PCCA: variants seen among roughly 807,000 people sequenced by gnomAD.
PCCA encodes the protein propionyl-CoA carboxylase subunit alpha.
PCCA carries 74 observed loss-of-function variants against 101.3 expected under a neutral mutation model. The observed-to-expected ratio is 0.73, with a 90% CI of 0.61 to 0.89. The LOEUF (loss-of-function observed/expected upper bound fraction) is 0.89, where lower values mean the gene tolerates loss of function less well. Among genes scored for constraint, PCCA ranks in the 40% least tolerant of loss-of-function variants. The pLI, the probability that PCCA is intolerant of heterozygous loss-of-function variation, is 0.00. For synonymous variants in PCCA, 294 were observed against 313.6 expected, an observed-to-expected ratio of 0.94 and a Z score of 0.66; for missense variants, 891 against 907.0, an observed-to-expected ratio of 0.98 and a Z score of 0.23.
chr13:100,166,793 AATGGCTAGATCATTTGT>A (rs1264702209), intron 6 of PCCA, among the ~76,000 whole-genome samples: 1 of 152,082 alleles, frequency 6.6e-6, no homozygotes, highest in African/African-American at 2.4e-5. Context: ...CTAGGAGTGG[AATGGCTAGATCATTTGT>A]ATGTTTTATC....
At chr13:100,462,382 A>G (rs1016590327) in intron 21 of PCCA, among the ~76,000 whole-genome samples, 7 of 152,188 alleles carry the variant, frequency 4.6e-5, no homozygotes, top group Non-Finnish European at 8.8e-5. Flanking sequence ...CTGCTATACT[A>G]TGTGCTAGGA....
At chr13:100,478,272 T>A (rs1159757583) in intron 21 of PCCA, among the ~76,000 whole-genome samples, 1 of 152,144 alleles carries the variant, frequency 6.6e-6, no homozygotes, top group Non-Finnish European at 1.5e-5. Context: ...CTGTCGCCAT[T>A]GTGGCCTGTG....
At chr13:100,205,384 T>C (rs1716823504) in intron 6 of PCCA, among the ~76,000 whole-genome samples, 1 of 152,204 alleles carries the variant, frequency 6.6e-6, no homozygotes, top group Non-Finnish European at 1.5e-5. Flanking sequence ...TTGCTTTAAT[T>C]ACTTTTAAAG....
chr13:100,127,573 T>C (rs1236503331), intron 4 of PCCA, among the ~76,000 whole-genome samples: 1 of 152,146 alleles, frequency 6.6e-6, no homozygotes, highest in Non-Finnish European at 1.5e-5. Flanking sequence ...AGAAGTCCTA[T>C]CTTACTGAAA....
At chr13:100,154,939 T>G in intron 4 of PCCA, 40 bp from the exon 5 acceptor site, 1 of 1,297,346 alleles carries the variant, frequency 7.7e-7, no homozygotes, top group Non-Finnish European at 1.1e-6. Flanking sequence ...TAATTCTTTT[T>G]GCTGGGCGCA....
chr13:100,455,203 A>G lies in PCCA; in HGVS notation c.1899+5898A>G, dbSNP rs536396327. Among the ~76,000 whole-genome samples the G allele has an allele frequency of 5.3e-4, 81 of 152,234 alleles. 1 individual carries two copies. The highest frequency in any genetic ancestry group is 4.1e-4 in the South Asian group (2 of 4,824). On this transcript the variant is annotated intron_variant, in intron 21 of 23. Transcript: ENST00000376285. ...ATAAAATGTTGGAAAGAGTGACCAGAATTGTAAGTGGTGTGACCAGGGAAG... is the reference window on the plus strand; with the variant it reads ...ATAAAATGTTGGAAAGAGTGACCAGGATTGTAAGTGGTGTGACCAGGGAAG...
Position 100,352,067 on chromosome 13 carries a change from G to A in PCCA, c.1643+11808G>A, listed in dbSNP as rs184513231. Among the ~76,000 whole-genome samples, 21 of 152,064 alleles carry A rather than the reference G, an allele frequency of 1.4e-4. No individual in the cohort carries two copies. In the South Asian group the frequency reaches 1.9e-3, roughly 14 times the overall value. Reference sequence around the variant, plus strand: ...GAATTAAAATAAGACAATAGAAAACGTTGATTTAAAACAAGACAATAATAA... The same window carrying A: ...GAATTAAAATAAGACAATAGAAAACATTGATTTAAAACAAGACAATAATAA... On this transcript the variant is annotated intron_variant, in intron 18 of 23. Transcript: ENST00000376285.
intron 12 of PCCA, among the ~76,000 whole-genome samples, chr13:100,294,492 C>T (rs2065372110): frequency 6.6e-6 from 1 of 151,624 alleles, no homozygotes; most frequent in Non-Finnish European, 1.5e-5. Context: ...AAATTTTAAA[C>T]AACTTACTAG....
intron 19 of PCCA, among the ~76,000 whole-genome samples, chr13:100,378,645 G>A (rs2076057289): frequency 6.6e-6 from 1 of 151,864 alleles, no homozygotes; most frequent in African/African-American, 2.4e-5. Flanking sequence ...AAATTTTTTT[G>A]TGTGACTGCA....
chr13:100,092,759 T>C (rs1396372900), intron 1 of PCCA, among the ~76,000 whole-genome samples: 1 of 152,206 alleles, frequency 6.6e-6, no homozygotes, highest in Non-Finnish European at 1.5e-5. Flanking sequence ...TTATTTTCTT[T>C]TGTAATCAGT....
At chr13:100,378,897 AT>A (rs771851028) in intron 19 of PCCA, among the ~76,000 whole-genome samples, 61 of 151,896 alleles carry the variant, frequency 4.0e-4, no homozygotes, top group Non-Finnish European at 7.9e-4. Context: ...TAGTATCAAA[AT>A]TTTTAGTTAT....
rs1415140340 is a variant in PCCA at position 100,449,271 on chromosome 13, G to A, written c.1865G>A (p.Gly622Asp). The change falls in exon 21 of 24, where the codon GGT becomes GAT. Residue 622 changes from glycine to aspartate, a missense_variant. Transcript: ENST00000376285. Reference sequence around the variant, plus strand: ...TTTTAGTGTCTTTCTCGAGAAGCAGGTGGAAACATGAGCATTCAGTTTCTT... The same window carrying A: ...TTTTAGTGTCTTTCTCGAGAAGCAGATGGAAACATGAGCATTCAGTTTCTT... ...RTVQCLSREA[G>D]GNMSIQFLGT... 2.6e-6 allele frequency: 4 copies of A among 1,541,512 alleles called. No individual in the cohort carries two copies. The South Asian group carries it at 3.6e-5, about 14-fold the overall frequency.
chr13:100,244,687 G>A (rs894199215), intron 8 of PCCA, among the ~76,000 whole-genome samples: 4 of 152,054 alleles, frequency 2.6e-5, no homozygotes, highest in African/African-American at 4.8e-5. Flanking sequence ...ACTGATTTCC[G>A]ATCCCTGGAG....
intron 18 of PCCA, among the ~76,000 whole-genome samples, chr13:100,343,875 G>A (rs757875739): frequency 1.3e-4 from 20 of 152,118 alleles, no homozygotes; most frequent in Non-Finnish European, 2.2e-4. Context: ...AGGAGTTCGC[G>A]ACCAACCTGG....
intron 6 of PCCA, among the ~76,000 whole-genome samples, chr13:100,186,738 C>CAAAAAAAAAAAAAAAA (rs376028376): frequency 2.1e-4 from 18 of 84,046 alleles, no homozygotes; most frequent in African/African-American, 4.6e-4. Context: ...GATTCCATCT[C>CAAAAAAAAAAAAAAAA]AAAAAAAAAA....
intron 21 of PCCA, among the ~76,000 whole-genome samples, chr13:100,470,096 C>T (rs61970531): frequency 0.052 from 7,873 of 152,254 alleles, 289 homozygotes; most frequent in South Asian, 0.087. Flanking sequence ...TTCCACCTCT[C>T]AGTGGCCCAT....
intron 2 of PCCA, among the ~76,000 whole-genome samples, chr13:100,107,756 G>T (rs1334934467): frequency 1.3e-5 from 2 of 152,102 alleles, no homozygotes; most frequent in Non-Finnish European, 2.9e-5. Context: ...GACTTCGTGG[G>T]ATTATTATGC....
chr13:100,144,321 T>G (rs2052272648), intron 4 of PCCA, among the ~76,000 whole-genome samples: 1 of 152,102 alleles, frequency 6.6e-6, no homozygotes. Flanking sequence ...GCAAAAATAT[T>G]GGATAATGTG....
intron 18 of PCCA, among the ~76,000 whole-genome samples, chr13:100,348,737 TTTCTTTCTTTC>T (rs1428412540): frequency 3.8e-4 from 23 of 60,164 alleles, no homozygotes; most frequent in African/African-American, 1.4e-3. Flanking sequence ...CCTTTCTTTC[TTTCTTTCTTTC>T]TTTCTTTCTT....
Sources: gnomAD v4.1 joint callset for allele counts (sites outside exome capture counted in the v4.1 genomes callset) on GRCh38, gnomAD v4.1.1 for gene constraint, MANE v1.5 for transcripts, NCBI Gene and HGNC (gene_info 2026-07-23, HGNC 2026-07-21) for gene names.